Variants in OXR1 observed in about 807,000 individuals in gnomAD.
OXR1 encodes the protein oxidation resistance protein 1.
OXR1 carries 41 observed loss-of-function variants against 104.6 expected under a neutral mutation model. The observed-to-expected ratio is 0.39, with a 90% CI of 0.31 to 0.51. OXR1 has a LOEUF of 0.51. Ranked by LOEUF, OXR1 falls within the 20% of genes least tolerant of loss-of-function variation. The pLI is 0.77. For missense variants in OXR1, 955 were observed against 1,031.9 expected (o/e 0.93, Z 1.02); for synonymous variants, 348 against 348.4 (o/e 1.00, Z 0.01).
At chr8:106,512,197 G>A (rs1812577960) in intron 2 of OXR1, among the ~76,000 whole-genome samples, 1 of 152,114 alleles carries the variant, frequency 6.6e-6, no homozygotes, top group Non-Finnish European at 1.5e-5. Context: ...AATTGCCCAA[G>A]GTCACACAGC....
intron 3 of OXR1, among the ~76,000 whole-genome samples, chr8:106,652,056 T>G (rs1010081646): frequency 2.0e-5 from 3 of 152,168 alleles, no homozygotes; most frequent in African/African-American, 7.2e-5. Flanking sequence ...ATTTTTGGAT[T>G]AGAGATGCCT....
chr8:106,551,350 T>G (rs1815787917), intron 3 of OXR1, among the ~76,000 whole-genome samples: 1 of 152,174 alleles, frequency 6.6e-6, no homozygotes, highest in Non-Finnish European at 1.5e-5. Flanking sequence ...ATTAAGAAAC[T>G]AAATGAGCCA....
chr8:106,643,931 G>A (rs897824435), intron 3 of OXR1, among the ~76,000 whole-genome samples: 1 of 152,182 alleles, frequency 6.6e-6, no homozygotes, highest in East Asian at 1.9e-4. Context: ...TGTATTCTTT[G>A]TAGCTCTTAA....
intron 3 of OXR1, among the ~76,000 whole-genome samples, chr8:106,577,900 A>G (rs910712405): frequency 5.3e-5 from 8 of 152,142 alleles, no homozygotes; most frequent in African/African-American, 7.2e-5. Flanking sequence ...TGTGGCAACA[A>G]GGGTTCATTC....
At chr8:106,491,203 T>G (rs1811061767) in intron 2 of OXR1, among the ~76,000 whole-genome samples, 1 of 152,222 alleles carries the variant, frequency 6.6e-6, no homozygotes, top group Non-Finnish European at 1.5e-5. Context: ...CAATCTTACT[T>G]AGATACTGGC....
chr8:106,574,608 G>A lies in OXR1; in HGVS notation c.220+55469G>A, dbSNP rs563071079. Among the ~76,000 whole-genome samples, 41 of 152,332 alleles carry A rather than the reference G, an allele frequency of 2.7e-4. No individual in the cohort carries two copies. The South Asian group carries it at 7.7e-3, about 28-fold the overall frequency. ...GGTGAGTATAGACAGTAGGGAGAAA[G>A]CAAGAAGGCTTTGGCACAGACCCTC... On this transcript the variant is annotated intron_variant, in intron 3 of 16. Transcript: ENST00000517566.
chr8:106,469,542 C>G (rs1481906484), intron 2 of OXR1, among the ~76,000 whole-genome samples: 1 of 151,800 alleles, frequency 6.6e-6, no homozygotes, highest in African/African-American at 2.4e-5. Context: ...TATAAAGGAA[C>G]AAATGTGTTG....
chr8:106,433,834 A>C (rs1472848686), intron 2 of OXR1, among the ~76,000 whole-genome samples: 3 of 152,180 alleles, frequency 2.0e-5, no homozygotes, highest in Non-Finnish European at 4.4e-5. Context: ...CACTTTTCTA[A>C]GCAATGCTGA....
chr8:106,308,813 C>T (rs1813571466), intron 1 of OXR1, among the ~76,000 whole-genome samples: 1 of 152,088 alleles, frequency 6.6e-6, no homozygotes, highest in Admixed American at 6.6e-5. Context: ...TGTACATTTA[C>T]ATAGGAAAAT....
intron 6 of OXR1, among the ~76,000 whole-genome samples, chr8:106,686,790 A>C (rs1257830449): frequency 6.6e-6 from 1 of 152,192 alleles, no homozygotes; most frequent in Non-Finnish European, 1.5e-5. Flanking sequence ...ATTGGTAATA[A>C]TTCGTTTTCA....
chr8:106,730,419 G>A (rs1833774034), intron 11 of OXR1, among the ~76,000 whole-genome samples: 1 of 152,032 alleles, frequency 6.6e-6, no homozygotes, highest in South Asian at 2.1e-4. Context: ...TGAACACCTG[G>A]CACCCACCGG....
chr8:106,443,032 T>C (rs1461932616), intron 2 of OXR1, among the ~76,000 whole-genome samples: 2 of 152,126 alleles, frequency 1.3e-5, no homozygotes, highest in African/African-American at 4.8e-5. Flanking sequence ...AGCTTTCTGA[T>C]GTGGGCATTT....
chr8:106,692,465 A>G (rs533630589), intron 6 of OXR1, among the ~76,000 whole-genome samples: 2 of 152,162 alleles, frequency 1.3e-5, no homozygotes, highest in Non-Finnish European at 2.9e-5. Flanking sequence ...TTTATTTTTT[A>G]AATTTATAGA....
chr8:106,387,278 G>T (rs1205706987), intron 2 of OXR1, among the ~76,000 whole-genome samples: 1 of 152,200 alleles, frequency 6.6e-6, no homozygotes, highest in Non-Finnish European at 1.5e-5. Flanking sequence ...GGTTTGCACA[G>T]ACCAGTCATT....
At position 106,412,149 on chromosome 8, in the gene OXR1, T is replaced by A. The variant is rs1170869666; in HGVS notation, c.23+52513T>A. On this transcript the variant is annotated intron_variant, in intron 2 of 16. Coordinates refer to ENST00000517566, the MANE Select transcript of OXR1 (RefSeq NM_001198533.2). ...TGTTTTGTTAGGTAATTCTCACAAT[T>A]CCTGTGAGATACTAGTGTTTCTAAC... is the stretch of plus-strand genomic sequence containing the variant. Among the ~76,000 whole-genome samples the A allele has an allele frequency of 9.2e-5, 14 of 152,176 alleles. 1 individual carries two copies. The highest frequency in any genetic ancestry group is 5.9e-5 in the Non-Finnish European group (4 of 68,036).
Position 106,706,911 on chromosome 8 carries a change from CA to C in OXR1, c.1395del (p.Glu466LysfsTer75). 1 of 1,611,992 alleles carries C rather than the reference CA, an allele frequency of 6.2e-7. No homozygotes were observed. Among genetic ancestry groups the C allele is most frequent in the Non-Finnish European group, 8.5e-7 (1 of 1,179,622 alleles). On this transcript the variant is annotated frameshift_variant, in exon 9 of 17. Transcript: ENST00000517566. LOFTEE classifies it high-confidence loss of function. ...GAATTCGTTACACCAAGAAGAGAGT[CA>C]AAAAGAAAATATGCCTTGTGGGGAA... ...HENSLHQEES[Q>X]KENMPCGETA...
intron 3 of OXR1, among the ~76,000 whole-genome samples, chr8:106,670,055 T>A (rs776946): frequency 0.61 from 91,945 of 151,890 alleles, 28,684 homozygotes; most frequent in African/African-American, 0.76. Context: ...ACCCCAGGGG[T>A]AGTGTTGATT....
At chr8:106,649,822 A>G (rs1968805) in intron 3 of OXR1, among the ~76,000 whole-genome samples, 92,071 of 151,576 alleles carry the variant, frequency 0.61, 29,095 homozygotes, top group African/African-American at 0.8. Context: ...TCAGCCTCCC[A>G]AATAGCTGGG....
intron 1 of OXR1, among the ~76,000 whole-genome samples, chr8:106,303,010 C>T (rs1190276530): frequency 3.3e-5 from 5 of 151,854 alleles, no homozygotes; most frequent in Non-Finnish European, 7.4e-5. Flanking sequence ...GCCTTGGCCT[C>T]CCAAAGTGCT....
Sources: gnomAD v4.1 joint callset for allele counts (sites outside exome capture counted in the v4.1 genomes callset) on GRCh38, gnomAD v4.1.1 for gene constraint, MANE v1.5 for transcripts, NCBI Gene and HGNC (gene_info 2026-07-23, HGNC 2026-07-21) for gene names.